FHOD3: variants seen among roughly 807,000 people sequenced by gnomAD.
FHOD3 encodes formin homology 2 domain containing 3.
A neutral mutation model predicts 173.0 loss-of-function variants in FHOD3; 90 were observed. The observed-to-expected ratio is 0.52, with a 90% CI of 0.44 to 0.62. The LOEUF is 0.62. Among genes scored for constraint, FHOD3 ranks in the 20% least tolerant of loss-of-function variants. The pLI is 0.00. For synonymous variants in FHOD3, 828 were observed against 823.0 expected, an observed-to-expected ratio of 1.01 and a Z score of -0.10; for missense variants, 1,945 against 2,034.7, an observed-to-expected ratio of 0.96 and a Z score of 0.85.
intron 3 of FHOD3, among the ~76,000 whole-genome samples, chr18:36,428,722 A>G (rs1457000301): frequency 6.6e-6 from 1 of 152,166 alleles, no homozygotes; most frequent in African/African-American, 2.4e-5. Flanking sequence ...CTCTTTGAAC[A>G]TGACAGCAGA....
In FHOD3 at chr18:36,652,941, C is replaced by T. The variant is rs926148742; in HGVS notation, c.1646+12C>T. On this transcript the variant is annotated intron_variant, in intron 12 of 28. Transcript: ENST00000590592. Reference sequence around the variant, plus strand: ...CAGAAGGAAAACAGGTAGATTTGCTCACCTGGAGGCTTGTTTGAGATTAAC... The same window carrying T: ...CAGAAGGAAAACAGGTAGATTTGCTTACCTGGAGGCTTGTTTGAGATTAAC... 5 of 1,521,322 alleles carry T rather than the reference C, an allele frequency of 3.3e-6. No homozygotes were observed. In the African/African-American group the frequency reaches 6.9e-5, roughly 21 times the overall value. The allele number at this position is 1,521,322 out of a possible 1,614,324, so 94.2% of individuals were successfully genotyped here. A position where few individuals can be genotyped will look rare whatever the true frequency, so the allele number is the denominator to read the frequency against.
At chr18:36,616,019 C>G (rs1302462094) in intron 9 of FHOD3, among the ~76,000 whole-genome samples, 1 of 152,192 alleles carries the variant, frequency 6.6e-6, no homozygotes, top group Non-Finnish European at 1.5e-5. Context: ...GCCTCACTCC[C>G]TCAGTTTTTT....
chr18:36,590,956 C>A (rs11081954), intron 6 of FHOD3, among the ~76,000 whole-genome samples: 48,875 of 152,036 alleles, frequency 0.32, 8,360 homozygotes, highest in East Asian at 0.4. Context: ...CTGAGACCAG[C>A]TAATGGGGGG....
chr18:36,298,104 G>A, intron 1 of FHOD3, 104 bp downstream of exon 1: 1 of 1,103,052 alleles, frequency 9.1e-7, no homozygotes, highest in Non-Finnish European at 1.2e-6. Context: ...GCTGGGCTGG[G>A]CGCGGCCCGG....
chr18:36,404,368 A>T (rs2048963754), intron 3 of FHOD3, among the ~76,000 whole-genome samples: 1 of 152,206 alleles, frequency 6.6e-6, no homozygotes, highest in Admixed American at 6.5e-5. Flanking sequence ...CTTATCCATA[A>T]ATCAGGGATT....
chr18:36,672,934 G>C lies in FHOD3; in HGVS notation c.1836-8502G>C, dbSNP rs1200883976. Reference sequence around the variant, plus strand: ...TCTTTTTTTAATCCTTTTCTTCTGGGCTTAGTGCAACTGAAAAATCTAGTA... The same window carrying C: ...TCTTTTTTTAATCCTTTTCTTCTGGCCTTAGTGCAACTGAAAAATCTAGTA... On this transcript the variant is annotated intron_variant, in intron 14 of 28. Coordinates refer to ENST00000590592, the MANE Select transcript of FHOD3 (RefSeq NM_001281740.3). Among the ~76,000 whole-genome samples, 5 of 151,864 alleles carry C rather than the reference G, an allele frequency of 3.3e-5. No homozygotes were observed. In the South Asian group the frequency reaches 1.0e-3, roughly 32 times the overall value.
At chr18:36,549,228 G>C (rs948734012) in intron 5 of FHOD3, among the ~76,000 whole-genome samples, 12 of 151,996 alleles carry the variant, frequency 7.9e-5, no homozygotes, top group Non-Finnish European at 1.5e-4. Flanking sequence ...ATCATCTTTG[G>C]GTGAATTGTT....
At chr18:36,344,558 G>A (rs921863683) in intron 1 of FHOD3, among the ~76,000 whole-genome samples, 3 of 152,120 alleles carry the variant, frequency 2.0e-5, no homozygotes, top group African/African-American at 7.2e-5. Context: ...ATAAAAGAAT[G>A]TGTACCTGGG....
intron 4 of FHOD3, among the ~76,000 whole-genome samples, chr18:36,510,145 T>A (rs1401518037): frequency 6.6e-6 from 1 of 152,236 alleles, no homozygotes; most frequent in Non-Finnish European, 1.5e-5. Flanking sequence ...TGGTCATCTC[T>A]TTGGGTTGAA....
intron 3 of FHOD3, among the ~76,000 whole-genome samples, chr18:36,398,685 G>C (rs1391895207): frequency 6.6e-6 from 1 of 152,204 alleles, no homozygotes; most frequent in Non-Finnish European, 1.5e-5. Flanking sequence ...AGCTTTAAGC[G>C]AGTGGTCAGT....
At chr18:36,602,288 C>T (rs934559157) in intron 7 of FHOD3, among the ~76,000 whole-genome samples, 2 of 152,180 alleles carry the variant, frequency 1.3e-5, no homozygotes, top group Non-Finnish European at 2.9e-5. Flanking sequence ...TCCACATCCC[C>T]TTTTCTTCTG....
intron 16 of FHOD3, among the ~76,000 whole-genome samples, chr18:36,687,834 A>G (rs1039563106): frequency 6.6e-6 from 1 of 151,704 alleles, no homozygotes; most frequent in Non-Finnish European, 1.5e-5. Context: ...TACTTCATTT[A>G]TGGTACGAAT....
chr18:36,485,872 T>G (rs2054167067), intron 3 of FHOD3, among the ~76,000 whole-genome samples: 1 of 152,184 alleles, frequency 6.6e-6, no homozygotes, highest in Non-Finnish European at 1.5e-5. Flanking sequence ...GCTGTCTCAC[T>G]CTTTGGTGTC....
intron 3 of FHOD3, among the ~76,000 whole-genome samples, chr18:36,489,889 A>G (rs997200244): frequency 3.9e-5 from 6 of 152,188 alleles, no homozygotes; most frequent in Non-Finnish European, 7.3e-5. Flanking sequence ...CGGTTGGCCA[A>G]GCTATTTTCA....
chr18:36,312,901 G>C (rs1042258287), intron 1 of FHOD3, among the ~76,000 whole-genome samples: 3 of 152,182 alleles, frequency 2.0e-5, no homozygotes. Context: ...TTCCTTGGGT[G>C]GTTCTGGCTC....
chr18:36,485,238 G>A (rs994638144), intron 3 of FHOD3, among the ~76,000 whole-genome samples: 3 of 152,174 alleles, frequency 2.0e-5, no homozygotes, highest in Admixed American at 6.5e-5. Context: ...TTCCACCAGC[G>A]ATGAGCCTGC....
intron 3 of FHOD3, among the ~76,000 whole-genome samples, chr18:36,471,208 G>A (rs979436628): frequency 1.3e-5 from 2 of 152,286 alleles, no homozygotes; most frequent in South Asian, 2.1e-4. Context: ...GCATGAGCCC[G>A]TGCCATGTGA....
chr18:36,625,255 T>C (rs2034009936), intron 9 of FHOD3, among the ~76,000 whole-genome samples: 1 of 152,174 alleles, frequency 6.6e-6, no homozygotes, highest in Non-Finnish European at 1.5e-5. Flanking sequence ...TTTCTCAGAC[T>C]CACTGGTCAT....
intron 17 of FHOD3, among the ~76,000 whole-genome samples, chr18:36,700,002 C>T (rs1002431504): frequency 2.6e-5 from 4 of 152,252 alleles, no homozygotes; most frequent in Non-Finnish European, 4.4e-5. Context: ...TTTTGAGTCG[C>T]GTGCATTTCT....
Sources: allele counts gnomAD v4.1 joint callset (sites outside exome capture counted in the v4.1 genomes callset), GRCh38; gene constraint gnomAD v4.1.1; transcripts MANE v1.5; gene names NCBI Gene and HGNC (gene_info 2026-07-23, HGNC 2026-07-21).